Variants in NALF1 observed in about 807,000 individuals in gnomAD.
The protein encoded by NALF1 is NALCN channel auxiliary factor 1.
Under a neutral mutation model 48.4 loss-of-function variants are expected in NALF1, and 3 were observed. That is an observed-to-expected ratio of 0.06 (90% CI 0.03 to 0.16). The LOEUF is 0.16. Among genes scored for constraint, NALF1 ranks in the 10% least tolerant of loss-of-function variants. NALF1 has a pLI of 1.00. For synonymous variants in NALF1, 262 were observed against 245.7 expected, an observed-to-expected ratio of 1.07 and a Z score of -0.62; for missense variants, 526 against 571.5, an observed-to-expected ratio of 0.92 and a Z score of 0.81.
chr13:107,337,056 A>ACC (rs1882573055), intron 1 of NALF1, among the ~76,000 whole-genome samples: 1 of 10,602 alleles, frequency 9.4e-5, no homozygotes, highest in African/African-American at 1.2e-4. Flanking sequence ...AAAAAAAAAA[A>ACC]AAAAAAAAAA....
intron 1 of NALF1, among the ~76,000 whole-genome samples, chr13:107,595,598 G>A (rs1259316913): frequency 1.3e-5 from 2 of 152,060 alleles, no homozygotes; most frequent in African/African-American, 4.8e-5. Flanking sequence ...GCAAGAATGG[G>A]CTTATTTCTA....
At chr13:107,358,778 G>C (rs1394125807) in intron 1 of NALF1, among the ~76,000 whole-genome samples, 2 of 152,086 alleles carry the variant, frequency 1.3e-5, no homozygotes, top group African/African-American at 4.8e-5. Flanking sequence ...ATATGCACGA[G>C]TGAAATGTTG....
intron 1 of NALF1, among the ~76,000 whole-genome samples, chr13:107,730,991 T>C (rs1876294059): frequency 6.6e-6 from 1 of 152,192 alleles, no homozygotes; most frequent in Non-Finnish European, 1.5e-5. Context: ...GCTACGGGAA[T>C]GTCGATCTCT....
intron 1 of NALF1, among the ~76,000 whole-genome samples, chr13:107,612,559 G>A (rs1231050247): frequency 1.3e-5 from 2 of 152,058 alleles, no homozygotes; most frequent in Non-Finnish European, 2.9e-5. Flanking sequence ...CCCTGCTGTG[G>A]GTGGGCCTTG....
chr13:107,297,030 T>C (rs1485367653), intron 1 of NALF1, among the ~76,000 whole-genome samples: 4 of 151,892 alleles, frequency 2.6e-5, no homozygotes, highest in Non-Finnish European at 5.9e-5. Context: ...ATTTTATTAT[T>C]TATTTATTTA....
chr13:107,593,107 C>T lies in NALF1; in HGVS notation c.915+272575G>A, dbSNP rs78486868. ...TTAAGGTGGTCCTGCATCTCCTTGA[C>T]GAAGTACATATTGTGTTCATTTTTA... On this transcript the variant is annotated intron_variant, in intron 1 of 2. Coordinates refer to ENST00000375915, the MANE Select transcript of NALF1 (RefSeq NM_001080396.3). Among the ~76,000 whole-genome samples, 286 of 151,802 alleles carry T rather than the reference C, an allele frequency of 1.9e-3. 1 individual carries two copies. Among genetic ancestry groups the T allele is most frequent in the Middle Eastern group, 6.8e-3 (2 of 294 alleles).
At chr13:107,503,518 A>C (rs1479751785) in intron 1 of NALF1, among the ~76,000 whole-genome samples, 1 of 152,176 alleles carries the variant, frequency 6.6e-6, no homozygotes, top group East Asian at 1.9e-4. Flanking sequence ...CAATTGGTAC[A>C]GTGATTATTA....
chr13:107,469,059 C>T (rs1885053718), intron 1 of NALF1, among the ~76,000 whole-genome samples: 3 of 151,950 alleles, frequency 2.0e-5, no homozygotes, highest in Non-Finnish European at 4.4e-5. Flanking sequence ...TTTACTTTTA[C>T]CGATATACTC....
At chr13:107,827,561 C>A (rs1043961088) in intron 1 of NALF1, among the ~76,000 whole-genome samples, 8 of 152,198 alleles carry the variant, frequency 5.3e-5, no homozygotes, top group African/African-American at 1.9e-4. Context: ...ATCCAGCCAA[C>A]CAAACCCACC....
intron 1 of NALF1, among the ~76,000 whole-genome samples, chr13:107,721,457 T>C (rs1875984463): frequency 6.6e-6 from 1 of 152,178 alleles, no homozygotes; most frequent in Admixed American, 6.5e-5. Flanking sequence ...AGCTACATTT[T>C]TGAATGGAGC....
intron 1 of NALF1, among the ~76,000 whole-genome samples, chr13:107,861,150 C>T (rs576074496): frequency 1.3e-5 from 2 of 152,168 alleles, no homozygotes; most frequent in African/African-American, 4.8e-5. Context: ...AGATAAAAAA[C>T]ATAAACCATA....
chr13:107,385,264 C>T (rs577991572), intron 1 of NALF1, among the ~76,000 whole-genome samples: 7 of 152,112 alleles, frequency 4.6e-5, no homozygotes, highest in South Asian at 2.1e-4. Flanking sequence ...GTCTTAAAAG[C>T]GTATCTGGCA....
At chr13:107,466,074 A>C (rs1382272831) in intron 1 of NALF1, 1 of 152,714 alleles carries the variant, frequency 6.5e-6, no homozygotes, top group African/African-American at 2.4e-5. Flanking sequence ...CACGTCTCAC[A>C]TGGTGGCAGA....
intron 1 of NALF1, among the ~76,000 whole-genome samples, chr13:107,385,085 T>C (rs1356437754): frequency 6.6e-6 from 1 of 152,240 alleles, no homozygotes; most frequent in Non-Finnish European, 1.5e-5. Flanking sequence ...CTTTGGCACA[T>C]ATTAAGGAGT....
intron 1 of NALF1, among the ~76,000 whole-genome samples, chr13:107,427,637 C>T (rs72650591): frequency 8.2e-4 from 125 of 152,042 alleles, no homozygotes; most frequent in Admixed American, 2.5e-3. Context: ...TGTGATGATA[C>T]ATTTGCTTTT....
intron 1 of NALF1, among the ~76,000 whole-genome samples, chr13:107,738,343 G>A (rs553112827): frequency 2.6e-5 from 4 of 152,124 alleles, no homozygotes; most frequent in Non-Finnish European, 2.9e-5. Flanking sequence ...TGGCATTTAC[G>A]CATTCTGTGG....
At position 107,364,655 on chromosome 13, in the gene NALF1, T is replaced by G. The variant is rs561196070; in HGVS notation, c.916-153900A>C. On this transcript the variant is annotated intron_variant, in intron 1 of 2. Coordinates refer to ENST00000375915, the MANE Select transcript of NALF1 (RefSeq NM_001080396.3). ...GTTATAGAACAAAGAAATAAGTGATTGAACAGTAAAATGTGGTTTTAAGTA... is the reference window on the plus strand; with the variant it reads ...GTTATAGAACAAAGAAATAAGTGATGGAACAGTAAAATGTGGTTTTAAGTA... Among the ~76,000 whole-genome samples the G allele has an allele frequency of 2.0e-5, 3 of 152,284 alleles. 1 individual carries two copies. The highest frequency in any genetic ancestry group is 2.0e-4 in the Admixed American group (3 of 15,298).
chr13:107,712,164 C>G (rs1419299219), intron 1 of NALF1, among the ~76,000 whole-genome samples: 3 of 152,098 alleles, frequency 2.0e-5, no homozygotes, highest in Admixed American at 6.5e-5. Context: ...AATGTTGCCT[C>G]AATTTGGCAA....
At chr13:107,477,358 A>G (rs373607263) in intron 1 of NALF1, among the ~76,000 whole-genome samples, 1 of 152,226 alleles carries the variant, frequency 6.6e-6, no homozygotes, top group East Asian at 1.9e-4. Context: ...ACAAATGTTT[A>G]TTTATCAATA....
Sources: allele counts gnomAD v4.1 joint callset (sites outside exome capture counted in the v4.1 genomes callset), GRCh38; gene constraint gnomAD v4.1.1; transcripts MANE v1.5; gene names NCBI Gene and HGNC (gene_info 2026-07-23, HGNC 2026-07-21).